Variants in DOCK1 observed in about 807,000 individuals in gnomAD.
The protein encoded by DOCK1 is dedicator of cytokinesis protein 1.
In DOCK1, 138 loss-of-function variants were observed where a neutral mutation model predicts 262.7. The observed-to-expected ratio is 0.53, with a 90% CI of 0.46 to 0.61. The LOEUF is 0.61. Ranked by LOEUF, DOCK1 falls within the 20% of genes least tolerant of loss-of-function variation. The pLI is 0.00. For missense variants in DOCK1, 1,908 were observed against 2,370.7 expected (o/e 0.80, Z 4.05); for synonymous variants, 866 against 867.4 (o/e 1.00, Z 0.03).
At chr10:127,132,925 A>G (rs1288229581) in intron 27 of DOCK1, among the ~76,000 whole-genome samples, 3 of 152,182 alleles carry the variant, frequency 2.0e-5, no homozygotes, top group African/African-American at 2.4e-5. Context: ...ATTCCCTTTG[A>G]ACATTGACAG....
At chr10:126,927,715 G>A (rs981791387) in intron 1 of DOCK1, among the ~76,000 whole-genome samples, 2 of 152,130 alleles carry the variant, frequency 1.3e-5, no homozygotes, top group Non-Finnish European at 2.9e-5. Context: ...GGGATTATAG[G>A]TGTGAGCCAC....
intron 25 of DOCK1, among the ~76,000 whole-genome samples, chr10:127,122,361 C>T (rs1352174351): frequency 1.3e-5 from 2 of 152,110 alleles, no homozygotes; most frequent in Non-Finnish European, 2.9e-5. Context: ...GAAAGAGCCT[C>T]GTTGCCAGCC....
At chr10:127,269,479 G>A (rs555511721) in intron 29 of DOCK1, among the ~76,000 whole-genome samples, 48 of 152,208 alleles carry the variant, frequency 3.2e-4, no homozygotes, top group East Asian at 1.4e-3. Context: ...TTCAAATTGC[G>A]GTTTCCCTTG....
At chr10:127,228,327 G>T (rs1056757713) in intron 27 of DOCK1, among the ~76,000 whole-genome samples, 6 of 152,138 alleles carry the variant, frequency 3.9e-5, no homozygotes, top group African/African-American at 1.4e-4. Context: ...GAACGTGTAT[G>T]TGCGTCACCC....
At chr10:126,909,644 C>A (rs1291795253) in intron 1 of DOCK1, among the ~76,000 whole-genome samples, 1 of 152,046 alleles carries the variant, frequency 6.6e-6, no homozygotes, top group Non-Finnish European at 1.5e-5. Context: ...ATAATGGGAC[C>A]CTTGAGCAAA....
chr10:127,262,213 C>CGT lies in DOCK1; in HGVS notation c.3044+4799_3044+4800dup, dbSNP rs1554934725. Among the ~76,000 whole-genome samples, 191 of 126,574 alleles carry CGT rather than the reference C, an allele frequency of 1.5e-3. 4 individuals are homozygous for CGT. Among genetic ancestry groups the CGT allele is most frequent in the Middle Eastern group, 8.3e-3 (2 of 242 alleles). The allele number at this position is 126,574 out of a possible 152,430, so 83.0% of individuals were successfully genotyped here. ...GTACCCGTGCTCATCTGTGTGTGTG[C>CGT]GTGTGTGTGTGTGTGTACCCGTGCT... On this transcript the variant is annotated intron_variant, in intron 29 of 51. Transcript: ENST00000623213.
intron 51 of DOCK1, among the ~76,000 whole-genome samples, chr10:127,448,657 A>G (rs943669921): frequency 8.5e-5 from 13 of 152,140 alleles, no homozygotes; most frequent in African/African-American, 3.1e-4. Context: ...AGGGTAAAAT[A>G]TCCCTCTTCA....
At chr10:127,374,008 A>T (rs41282892) in intron 34 of DOCK1, 50 bp from the exon 35 acceptor site, 1 of 1,562,270 alleles carries the variant, frequency 6.4e-7, no homozygotes, top group Admixed American at 2.0e-5. Context: ...ACCTCTGTTG[A>T]GTTTCTTTTT....
chr10:127,193,375 A>C (rs775312794), intron 27 of DOCK1, among the ~76,000 whole-genome samples: 71 of 152,212 alleles, frequency 4.7e-4, no homozygotes, highest in Non-Finnish European at 7.9e-4. Context: ...CGCGTTGAAC[A>C]GCATCCTTCA....
At chr10:126,946,248 G>A (rs1015173128) in intron 1 of DOCK1, among the ~76,000 whole-genome samples, 12 of 152,162 alleles carry the variant, frequency 7.9e-5, no homozygotes, top group African/African-American at 1.7e-4. Context: ...CTTTGTATCC[G>A]TTAAAAGCTA....
chr10:127,375,444 A>T (rs1011883986), intron 35 of DOCK1, among the ~76,000 whole-genome samples: 8 of 152,212 alleles, frequency 5.3e-5, no homozygotes, highest in African/African-American at 1.9e-4. Flanking sequence ...CAACATGTGG[A>T]TACATAGTCC....
intron 38 of DOCK1, among the ~76,000 whole-genome samples, chr10:127,396,374 GTGT>G (rs1328708062): frequency 1.3e-5 from 2 of 152,216 alleles, no homozygotes. Context: ...CAGCACCCAT[GTGT>G]TGTTCTCTGT....
intron 36 of DOCK1, among the ~76,000 whole-genome samples, 151 bp downstream of exon 36, chr10:127,380,273 A>G (rs2065754222): frequency 6.6e-6 from 1 of 151,964 alleles, no homozygotes; most frequent in Non-Finnish European, 1.5e-5. Context: ...GAGCTCCCAG[A>G]TACATTCTCA....
intron 25 of DOCK1, among the ~76,000 whole-genome samples, chr10:127,110,960 C>T (rs1365601262): frequency 6.6e-6 from 1 of 152,160 alleles, no homozygotes; most frequent in Non-Finnish European, 1.5e-5. Flanking sequence ...CTGCATAATT[C>T]CACAAACTTC....
intron 47 of DOCK1, among the ~76,000 whole-genome samples, chr10:127,426,738 C>T (rs982603979): frequency 6.6e-6 from 1 of 152,126 alleles, no homozygotes; most frequent in African/African-American, 2.4e-5. Flanking sequence ...CCTCCAAGAA[C>T]AAGGGATGCT....
intron 39 of DOCK1, among the ~76,000 whole-genome samples, chr10:127,403,662 G>A (rs1434003232): frequency 6.6e-6 from 1 of 152,196 alleles, no homozygotes; most frequent in Non-Finnish European, 1.5e-5. Context: ...GGGAGGCTGA[G>A]GCTGGAGAAT....
intron 27 of DOCK1, among the ~76,000 whole-genome samples, chr10:127,128,378 C>CTT (rs34350327): frequency 2.9e-5 from 4 of 136,242 alleles, no homozygotes; most frequent in Admixed American, 2.9e-4. Context: ...AATTTCTTTC[C>CTT]TTTTTTTTTT....
chr10:127,125,792 C>T (rs1482016846), intron 26 of DOCK1, among the ~76,000 whole-genome samples, 191 bp downstream of exon 26: 1 of 152,006 alleles, frequency 6.6e-6, no homozygotes, highest in Non-Finnish European at 1.5e-5. Flanking sequence ...AACATTTATC[C>T]TTTTGCATTG....
At chr10:127,370,362 C>A (rs191019883) in intron 33 of DOCK1, among the ~76,000 whole-genome samples, 1 of 152,170 alleles carries the variant, frequency 6.6e-6, no homozygotes, top group Non-Finnish European at 1.5e-5. Flanking sequence ...TCCATCAAGG[C>A]GGTGAGTGGT....
Sources: allele counts gnomAD v4.1 joint callset (sites outside exome capture counted in the v4.1 genomes callset), GRCh38; gene constraint gnomAD v4.1.1; transcripts MANE v1.5; gene names NCBI Gene and HGNC (gene_info 2026-07-23, HGNC 2026-07-21).